NAB1: variants seen among roughly 807,000 people sequenced by gnomAD.
NAB1 encodes NGFI-A binding protein 1.
A neutral mutation model predicts 49.9 loss-of-function variants in NAB1; 25 were observed. That is an observed-to-expected ratio of 0.50 (90% CI 0.37 to 0.70). The LOEUF (loss-of-function observed/expected upper bound fraction) is 0.70. Among genes scored for constraint, NAB1 ranks in the 30% least tolerant of loss-of-function variants. NAB1 has a pLI of 0.00. For missense variants in NAB1, 489 were observed against 575.9 expected (o/e 0.85, Z 1.54); for synonymous variants, 198 against 215.6 (o/e 0.92, Z 0.71).
At chr2:190,648,930 C>A (rs1012375151), upstream of NAB1, 1 of 149,580 alleles carries the variant, frequency 6.7e-6, no homozygotes, top group African/African-American at 2.4e-5. Context: ...GCCGGAGCGG[C>A]GAATGTAGCA....
chr2:190,677,183 ATAGT>A lies in NAB1; in HGVS notation c.1005+4034_1005+4037del, dbSNP rs1282668702. 1.3e-5 allele frequency: 2 copies of A among 152,108 alleles called. No individual in the cohort carries two copies. The highest frequency in any genetic ancestry group is 2.9e-5 in the Non-Finnish European group (2 of 68,010). 9.4% of individuals were successfully genotyped at this position (152,108 alleles called of 1,614,324 possible). ...GTAGTAGGTTGTTCCCCCTTAAAGG[ATAGT>A]TACTTATTTGATTTAAAAAAAAAAT... On this transcript the variant is annotated intron_variant, in intron 6 of 9. Coordinates refer to ENST00000337386, the MANE Select transcript of NAB1 (RefSeq NM_005966.4). The surrounding 1 kb of genome is among the most constrained non-coding windows in gnomAD (Gnocchi z 5.6).
At position 190,667,133 on chromosome 2, in the gene NAB1, G is replaced by A. The variant is rs1694563477; in HGVS notation, c.820-3193G>A. Among the ~76,000 whole-genome samples the A allele has an allele frequency of 6.6e-6, 1 of 152,212 alleles. No individual in the cohort carries two copies. The highest frequency in any genetic ancestry group is 2.4e-5 in the African/African-American group (1 of 41,444). On this transcript the variant is annotated intron_variant, in intron 4 of 9. Transcript: ENST00000337386. This position sits in a 1 kb window ranked among gnomAD's most constrained non-coding sequence, Gnocchi z 4.4. ...TTTTACCAGGTTCCCTGAGGGCCTG[G>A]AGTTTAGTCTACTTTTTTGGTTTGT...
chr2:190,659,138 T>C lies in NAB1; in HGVS notation c.-19-20T>C. On this transcript the variant is annotated intron_variant, in intron 3 of 9. Transcript: ENST00000337386. This position sits in a 1 kb window ranked among gnomAD's most constrained non-coding sequence, Gnocchi z 6.2. ...GAAGCAAGTATGATGAGTTTTTACT[T>C]TTTTTTTTTTTTTTGGCAGGTTAAA... 3.3e-6 allele frequency: 3 copies of C among 902,962 alleles called. No homozygotes were observed. The highest frequency in any genetic ancestry group is 2.4e-5 in the South Asian group (1 of 41,796). 55.9% of individuals were successfully genotyped at this position (902,962 alleles called of 1,614,324 possible).
Position 190,663,538 on chromosome 2 carries a change from C to A in NAB1, c.819+3543C>A, listed in dbSNP as rs566377200. On this transcript the variant is annotated intron_variant, in intron 4 of 9. Coordinates refer to ENST00000337386, the MANE Select transcript of NAB1 (RefSeq NM_005966.4). The surrounding 1 kb of genome is among the most constrained non-coding windows in gnomAD (Gnocchi z 4.2). ...TAGTTGTGACACAGGCTGTTTGGCC[C>A]GTAAAGCCTAAAATATTTACTCTCT... Among the ~76,000 whole-genome samples the A allele has an allele frequency of 6.6e-6, 1 of 152,178 alleles. No homozygotes were observed. The highest frequency in any genetic ancestry group is 2.1e-4 in the South Asian group (1 of 4,822).
Position 190,685,656 on chromosome 2 carries a change from C to T in NAB1, c.1258+18C>T, listed in dbSNP as rs1695571521. 1 of 1,572,510 alleles carries T rather than the reference C, an allele frequency of 6.4e-7. No individual in the cohort carries two copies. The highest frequency in any genetic ancestry group is 1.2e-5 in the South Asian group (1 of 84,554). On this transcript the variant is annotated intron_variant, in intron 8 of 9. Transcript: ENST00000337386. The surrounding 1 kb of genome is among the most constrained non-coding windows in gnomAD (Gnocchi z 4.5). The stretch of plus-strand genomic sequence containing the variant: ...TGGACAAGGTACATCTTTAGAATAT[C>T]CTATGCCTTTAGGGCCACTATGTGC...
Position 190,652,016 on chromosome 2 carries a change from A to G in NAB1, c.-197+2034A>G, listed in dbSNP as rs1055936502. On this transcript the variant is annotated intron_variant, in intron 2 of 9. Transcript: ENST00000337386. The surrounding 1 kb of genome is among the most constrained non-coding windows in gnomAD (Gnocchi z 4.2). ...CAACAGTAGAATGAAGAATGGTACAATTGTTATATTAAGTGCAAATTCCCT... is the reference window on the plus strand; with the variant it reads ...CAACAGTAGAATGAAGAATGGTACAGTTGTTATATTAAGTGCAAATTCCCT... Among the ~76,000 whole-genome samples, 1 of 152,180 alleles carries G rather than the reference A, an allele frequency of 6.6e-6. No individual in the cohort carries two copies. Among genetic ancestry groups the G allele is most frequent in the African/African-American group, 2.4e-5 (1 of 41,444 alleles).
At chr2:190,671,405 G>A (rs151323372) in intron 5 of NAB1, among the ~76,000 whole-genome samples, 4 of 151,966 alleles carry the variant, frequency 2.6e-5, no homozygotes, top group South Asian at 4.2e-4. Flanking sequence ...CAGTACCTAC[G>A]TATTTATAAC....
In NAB1 at chr2:190,654,211, A is replaced by T. The variant is rs768509114; in HGVS notation, c.-196-1766A>T. The stretch of plus-strand genomic sequence containing the variant: ...TAACAGTGACTTGTTCTGCAGAGCC[A>T]GGCAGGTTGCCTTCCTTGTGCCATG... On this transcript the variant is annotated intron_variant, in intron 2 of 9. Transcript: ENST00000337386. This position sits in a 1 kb window ranked among gnomAD's most constrained non-coding sequence, Gnocchi z 5.6. Among the ~76,000 whole-genome samples, 11 of 152,220 alleles carry T rather than the reference A, an allele frequency of 7.2e-5. No homozygotes were observed. The highest frequency in any genetic ancestry group is 1.6e-4 in the Non-Finnish European group (11 of 68,026).
rs1695910143 is a variant in NAB1, at chr2:190,690,796, AAAAG to A, written c.*468_*471del. On this transcript the variant is annotated 3_prime_UTR_variant, in exon 10 of 10. Coordinates refer to ENST00000337386, the MANE Select transcript of NAB1 (RefSeq NM_005966.4). The stretch of plus-strand genomic sequence containing the variant: ...GTTTAGAATCTGCCTGCAGTTGTGA[AAAAG>A]AAAGCTTAAGTGATGCAGTTATTGG... 2 of 152,942 alleles carry A rather than the reference AAAAG, an allele frequency of 1.3e-5. No homozygotes were observed. Among genetic ancestry groups the A allele is most frequent in the South Asian group, 4.1e-4 (2 of 4,852 alleles). 9.5% of individuals were successfully genotyped at this position (152,942 alleles called of 1,614,324 possible).
In NAB1 at chr2:190,659,999, C is replaced by A. The variant is rs748832731; in HGVS notation, c.819+4C>A. On this transcript the variant is annotated splice_donor_region_variant and intron_variant, in intron 4 of 9. Coordinates refer to ENST00000337386, the MANE Select transcript of NAB1 (RefSeq NM_005966.4). This position sits in a 1 kb window ranked among gnomAD's most constrained non-coding sequence, Gnocchi z 6.2. Reference sequence around the variant, plus strand: ...GAAACATCTCACACTTCATGAGGTACAAAGCCCGCGTTGTTCCTTCTGTGT... The same window carrying A: ...GAAACATCTCACACTTCATGAGGTAAAAAGCCCGCGTTGTTCCTTCTGTGT... 1 of 1,605,676 alleles carries A rather than the reference C, an allele frequency of 6.2e-7. No individual in the cohort carries two copies. The highest frequency in any genetic ancestry group is 2.2e-5 in the East Asian group (1 of 44,740).
rs1574435176 is a variant in NAB1, at chr2:190,663,741, T to C, written c.819+3746T>C. Among the ~76,000 whole-genome samples, 1 of 152,356 alleles carries C rather than the reference T, an allele frequency of 6.6e-6. No individual in the cohort carries two copies. The highest frequency in any genetic ancestry group is 1.9e-4 in the East Asian group (1 of 5,196). ...AGTTCATTAATTTTTAGTCATTCTT[T>C]TTCTAATATGAGCAATTAAAGTATA... On this transcript the variant is annotated intron_variant, in intron 4 of 9. Coordinates refer to ENST00000337386, the MANE Select transcript of NAB1 (RefSeq NM_005966.4). The surrounding 1 kb of genome is among the most constrained non-coding windows in gnomAD (Gnocchi z 4.2).
At position 190,659,225 on chromosome 2, in the gene NAB1, A is replaced by G. The variant is rs1694093282; in HGVS notation, c.49A>G (p.Ile17Val). 3.1e-6 allele frequency: 5 copies of G among 1,613,832 alleles called. No individual in the cohort carries two copies. Among genetic ancestry groups the G allele is most frequent in the Admixed American group, 3.3e-5 (2 of 59,972 alleles). ...RTLGELQLYR[I>V]LQKANLLSYF... ...CCTGGGGGAGTTGCAGCTGTATAGA[A>G]TATTACAAAAAGCCAATCTACTTTC... The change falls in exon 4 of 10, where the codon ATA (isoleucine) becomes GTA (valine). Residue 17 changes from isoleucine (I) to valine (V), a missense_variant. By Grantham distance (29) the Ile-to-Val change is conservative (BLOSUM62 3). Around this residue, in one of 4 missense-constraint regions of NAB1, gnomAD observed 35 missense variants for 85.6 expected, o/e 0.41. Coordinates refer to ENST00000337386, the MANE Select transcript of NAB1 (RefSeq NM_005966.4). The surrounding 1 kb of genome is among the most constrained non-coding windows in gnomAD (Gnocchi z 6.2).
Position 190,684,167 on chromosome 2 carries a change from A to C in NAB1, c.1095+340A>C, listed in dbSNP as rs1160187538. On this transcript the variant is annotated intron_variant, in intron 7 of 9. Transcript: ENST00000337386. The surrounding 1 kb of genome is among the most constrained non-coding windows in gnomAD (Gnocchi z 4.6). ...GTGTGTAATGCAACTCTGAGATAAA[A>C]TAATACTAGTTCTCAATAAAATATT... Among the ~76,000 whole-genome samples, 1 of 152,234 alleles carries C rather than the reference A, an allele frequency of 6.6e-6. No homozygotes were observed. The highest frequency in any genetic ancestry group is 2.4e-5 in the African/African-American group (1 of 41,462).
rs1053693654 is a variant in NAB1 at position 190,682,579 on chromosome 2, G to A, written c.1006-1159G>A. On this transcript the variant is annotated intron_variant, in intron 6 of 9. Coordinates refer to ENST00000337386, the MANE Select transcript of NAB1 (RefSeq NM_005966.4). This position sits in a 1 kb window ranked among gnomAD's most constrained non-coding sequence, Gnocchi z 4.1. The stretch of plus-strand genomic sequence containing the variant: ...CAAAATTAATTTCAGATAGGTCAGA[G>A]GGTTAAATTTAAAAAACAAATCAAA... Among the ~76,000 whole-genome samples the A allele has an allele frequency of 1.3e-5, 2 of 152,096 alleles. No individual in the cohort carries two copies. The highest frequency in any genetic ancestry group is 4.8e-5 in the African/African-American group (2 of 41,414).
rs1368471580 is a variant in NAB1, at chr2:190,686,238, C to CT, written c.1258+601dup. ...TAGCAATTCCTATGTGCCAGGCACTCTCCTAGGCACTGAAGATGCAGCAGG... is the reference window on the plus strand; with the variant it reads ...TAGCAATTCCTATGTGCCAGGCACTCTTCCTAGGCACTGAAGATGCAGCAGG... On this transcript the variant is annotated intron_variant, in intron 8 of 9. Transcript: ENST00000337386. The surrounding 1 kb of genome is among the most constrained non-coding windows in gnomAD (Gnocchi z 5.5). Among the ~76,000 whole-genome samples the CT allele has an allele frequency of 6.6e-6, 1 of 152,150 alleles. No homozygotes were observed. Among genetic ancestry groups the CT allele is most frequent in the Admixed American group, 6.5e-5 (1 of 15,276 alleles).
rs1432307887 is a variant in NAB1, at chr2:190,678,226, A to G, written c.1005+5074A>G. ...GCTTGACAGCTCATTCAAGGGGATG[A>G]AAAATCAAGAGCCAAAGTCCCTGGC... On this transcript the variant is annotated intron_variant, in intron 6 of 9. Coordinates refer to ENST00000337386, the MANE Select transcript of NAB1 (RefSeq NM_005966.4). The surrounding 1 kb of genome is among the most constrained non-coding windows in gnomAD (Gnocchi z 4.9). Among the ~76,000 whole-genome samples the G allele has an allele frequency of 1.3e-5, 2 of 152,216 alleles. No homozygotes were observed. Among genetic ancestry groups the G allele is most frequent in the Non-Finnish European group, 2.9e-5 (2 of 68,022 alleles).
chr2:190,672,988 G>A (rs1694891187), intron 5 of NAB1, 113 bp from the exon 6 acceptor site: 4 of 827,560 alleles, frequency 4.8e-6, no homozygotes, highest in Non-Finnish European at 5.8e-6. Flanking sequence ...CATTTCTGGT[G>A]TTGGAGTTTC....
chr2:190,685,821 T>G lies in NAB1; in HGVS notation c.1258+183T>G. ...AGATAATTTATCCTGCAAATTTTAA[T>G]TTGTAAATTTTTTAATCTTTAAGCA... On this transcript the variant is annotated intron_variant, in intron 8 of 9. Coordinates refer to ENST00000337386, the MANE Select transcript of NAB1 (RefSeq NM_005966.4). This position sits in a 1 kb window ranked among gnomAD's most constrained non-coding sequence, Gnocchi z 4.5. The G allele has an allele frequency of 1.8e-6, 1 of 544,594 alleles. No individual in the cohort carries two copies. The highest frequency in any genetic ancestry group is 2.8e-6 in the Non-Finnish European group (1 of 355,178). 33.7% of individuals were successfully genotyped at this position (544,594 alleles called of 1,614,324 possible).
At chr2:190,660,324 T>G (rs1041859646) in intron 4 of NAB1, among the ~76,000 whole-genome samples, 4 of 152,176 alleles carry the variant, frequency 2.6e-5, no homozygotes, top group Admixed American at 1.3e-4. Context: ...TAAAACTAGG[T>G]TTTAAATATA....
Sources: gnomAD v4.1 joint callset for allele counts (sites outside exome capture counted in the v4.1 genomes callset) on GRCh38, gnomAD v4.1.1 for gene constraint, gnomAD v4.1.1 regional missense constraint, Gnocchi (gnomAD v3.1) non-coding constraint, MANE v1.5 for transcripts, NCBI Gene and HGNC (gene_info 2026-07-23, HGNC 2026-07-21) for gene names.